The following PALD1 variants were observed in gnomAD, a reference collection of about 807,000 sequenced individuals.
PALD1 encodes paladin.
PALD1 carries 57 observed loss-of-function variants against 96.0 expected under a neutral mutation model. That is an observed-to-expected ratio of 0.59 (90% confidence interval 0.48 to 0.74). The LOEUF (loss-of-function observed/expected upper bound fraction) is 0.74. PALD1 is among the 30% of genes least tolerant of loss of function. PALD1 has a pLI of 0.00. For missense variants in PALD1, 1,063 were observed against 1,143.7 expected (o/e 0.93, Z 1.02); for synonymous variants, 464 against 473.6 (o/e 0.98, Z 0.26).
At chr10:70,517,042 A>G (rs1039462746) in intron 1 of PALD1, among the ~76,000 whole-genome samples, 3 of 152,178 alleles carry the variant, frequency 2.0e-5, no homozygotes, top group South Asian at 2.1e-4. Context: ...CCAAACACCT[A>G]GAATCACCTT....
At chr10:70,460,748 G>A in the PALD1 span, among the ~76,000 whole-genome samples, 2 of 152,130 alleles carry the variant, frequency 1.3e-5, no homozygotes, top group Non-Finnish European at 2.9e-5. Flanking sequence ...GCCTCTCATT[G>A]CCTGTAGGAT....
chr10:70,514,736 T>C (rs1182848996), intron 1 of PALD1, among the ~76,000 whole-genome samples: 1 of 152,148 alleles, frequency 6.6e-6, no homozygotes, highest in Non-Finnish European at 1.5e-5. Context: ...AGTGGAATTA[T>C]TGTCAGGGGA....
intron 1 of PALD1, among the ~76,000 whole-genome samples, chr10:70,519,573 CTT>C (rs1192092171): frequency 3.5e-4 from 47 of 133,582 alleles, no homozygotes; most frequent in Admixed American, 6.0e-4. Flanking sequence ...TTCTTTCTTT[CTT>C]TTTTTTTTTT....
upstream of PALD1, among the ~76,000 whole-genome samples, chr10:70,473,891 A>ACC (rs10609984): frequency 6.7e-4 from 100 of 148,658 alleles, no homozygotes; most frequent in African/African-American, 2.4e-3. Context: ...CAGGTGATCC[A>ACC]CCCCCCCCCC....
chr10:70,500,875 G>A (rs901240596), intron 1 of PALD1, among the ~76,000 whole-genome samples: 2 of 152,214 alleles, frequency 1.3e-5, no homozygotes, highest in African/African-American at 2.4e-5. Flanking sequence ...AGGACAATGT[G>A]TGAAATGAAG....
At chr10:70,563,407 G>A (rs779454281) in intron 18 of PALD1, among the ~76,000 whole-genome samples, 7 of 152,172 alleles carry the variant, frequency 4.6e-5, no homozygotes, top group Non-Finnish European at 8.8e-5. Context: ...CACTCTCTGG[G>A]AAATCTCTCT....
At chr10:70,506,015 C>T (rs1846381622) in intron 1 of PALD1, among the ~76,000 whole-genome samples, 1 of 146,166 alleles carries the variant, frequency 6.8e-6, no homozygotes, top group African/African-American at 2.5e-5. Flanking sequence ...AGCAAGACCC[C>T]ATCTCAAAAA....
intron 18 of PALD1, among the ~76,000 whole-genome samples, chr10:70,558,842 T>TG (rs930401877): frequency 1.3e-5 from 2 of 152,158 alleles, no homozygotes; most frequent in Non-Finnish European, 1.5e-5. Flanking sequence ...AGAGAAGTGC[T>TG]GGTTGCAAGG....
At chr10:70,482,025 G>C (rs1845940905) in intron 1 of PALD1, among the ~76,000 whole-genome samples, 1 of 152,178 alleles carries the variant, frequency 6.6e-6, no homozygotes, top group South Asian at 2.1e-4. Flanking sequence ...GGCATGGAGT[G>C]AGTGCTCAGT....
chr10:70,540,995 T>A lies in PALD1; in HGVS notation c.1909-107T>A, dbSNP rs1847230597. 3.9e-6 allele frequency: 5 copies of A among 1,281,594 alleles called. No homozygotes were observed. The highest frequency in any genetic ancestry group is 4.3e-6 in the Non-Finnish European group (4 of 931,484). The allele number at this position is 1,281,594 out of a possible 1,614,324, so 79.4% of individuals were successfully genotyped here. A position where few individuals can be genotyped will look rare whatever the true frequency, so the allele number is the denominator to read the frequency against. ...TGTGCAAGCTTGGGAGCCTGACAAT[T>A]TCTGGCCCGAGGACAGTGGCTGGGG... is the stretch of plus-strand genomic sequence containing the variant. On this transcript the variant is annotated intron_variant, in intron 15 of 19. Transcript: ENST00000263563. The surrounding 1 kb of genome is among the most constrained non-coding windows in gnomAD (Gnocchi z 4.2).
intron 18 of PALD1, among the ~76,000 whole-genome samples, chr10:70,552,236 A>G (rs947075325): frequency 3.3e-5 from 5 of 152,156 alleles, no homozygotes; most frequent in African/African-American, 7.2e-5. Context: ...GAGCCCTTAC[A>G]TCATCGCATT....
intron 1 of PALD1, among the ~76,000 whole-genome samples, chr10:70,485,172 A>ATTTT (rs3034566): frequency 6.7e-6 from 1 of 150,134 alleles, no homozygotes; most frequent in Non-Finnish European, 1.5e-5. Flanking sequence ...TTAAAGTTAA[A>ATTTT]TTTTTTTTTT....
chr10:70,511,753 G>T (rs1046461761), intron 1 of PALD1, among the ~76,000 whole-genome samples: 1 of 152,228 alleles, frequency 6.6e-6, no homozygotes, highest in African/African-American at 2.4e-5. Context: ...TGAGGGCGGG[G>T]CGTGGTGGCT....
At chr10:70,551,627 T>A (rs1194780307) in intron 18 of PALD1, among the ~76,000 whole-genome samples, 1 of 151,404 alleles carries the variant, frequency 6.6e-6, no homozygotes, top group Admixed American at 6.5e-5. Flanking sequence ...TTCCTTTTCC[T>A]GGCCCCCTGC....
At chr10:70,472,610 G>A in the PALD1 span, among the ~76,000 whole-genome samples, 1 of 152,140 alleles carries the variant, frequency 6.6e-6, no homozygotes, top group Admixed American at 6.5e-5. Flanking sequence ...AGGGGTGACA[G>A]CCTTTTTATT....
the PALD1 span, among the ~76,000 whole-genome samples, chr10:70,460,721 C>G: frequency 6.6e-6 from 1 of 152,202 alleles, no homozygotes; most frequent in East Asian, 1.9e-4. Flanking sequence ...TCACTCCCCT[C>G]ACTGAAACCC....
chr10:70,515,602 G>C (rs74139673), intron 1 of PALD1, among the ~76,000 whole-genome samples: 4 of 152,330 alleles, frequency 2.6e-5, no homozygotes, highest in South Asian at 4.1e-4. Context: ...GCCATGGTGT[G>C]GGGGGATGAG....
At chr10:70,557,217 G>A (rs17598983) in intron 18 of PALD1, among the ~76,000 whole-genome samples, 25,770 of 152,178 alleles carry the variant, frequency 0.17, 2,556 homozygotes, top group Admixed American at 0.29. Context: ...GTCACCTGGA[G>A]TTGTTACCCT....
At chr10:70,554,938 TCC>T (rs1847567845) in intron 18 of PALD1, among the ~76,000 whole-genome samples, 1 of 2,378 alleles carries the variant, frequency 4.2e-4, no homozygotes, top group Non-Finnish European at 7.4e-4. Context: ...CTCCTCCCCC[TCC>T]CCTCCCCCTC....
Sources: gnomAD v4.1 joint callset for allele counts (sites outside exome capture counted in the v4.1 genomes callset) on GRCh38, gnomAD v4.1.1 for gene constraint, Gnocchi (gnomAD v3.1) non-coding constraint, MANE v1.5 for transcripts, NCBI Gene and HGNC (gene_info 2026-07-23, HGNC 2026-07-21) for gene names.